Variants in JARID2 observed in about 807,000 individuals in gnomAD.
JARID2 encodes the protein protein Jumonji.
A neutral mutation model predicts 125.6 loss-of-function variants in JARID2; 21 were observed. The ratio of observed to expected loss-of-function variants is 0.17; its 90% confidence interval spans 0.12 to 0.24. The LOEUF (loss-of-function observed/expected upper bound fraction) is 0.24, where lower values mean the gene tolerates loss of function less well. Among genes scored for constraint, JARID2 ranks in the 10% least tolerant of loss-of-function variants. The pLI, the probability that JARID2 is intolerant of heterozygous loss-of-function variation, is 1.00. For missense variants in JARID2, 1,303 were observed against 1,639.6 expected, an observed-to-expected ratio of 0.79 and a Z score of 3.55; for synonymous variants, 736 against 661.6, an observed-to-expected ratio of 1.11 and a Z score of -1.73.
chr6:15,339,841 G>A (rs982439448), intron 1 of JARID2, among the ~76,000 whole-genome samples: 12 of 152,056 alleles, frequency 7.9e-5, no homozygotes, highest in Admixed American at 2.6e-4. Flanking sequence ...GGCCCAGTTA[G>A]CTCTCTTCTA....
At chr6:15,272,909 G>A (rs1760351948) in intron 1 of JARID2, among the ~76,000 whole-genome samples, 1 of 152,054 alleles carries the variant, frequency 6.6e-6, no homozygotes, top group Non-Finnish European at 1.5e-5. Context: ...TCTTCTCCCT[G>A]CTCCCATTGG....
rs532326927 is a variant in JARID2 at position 15,378,825 on chromosome 6, A to C, written c.181+4573A>C. ...GGGAAAAATCATTTGTTTTTACCAT[A>C]ATATTTAAAAATAACAGCAGAATGG... On this transcript the variant is annotated intron_variant, in intron 2 of 17. Coordinates refer to ENST00000341776, the MANE Select transcript of JARID2 (RefSeq NM_004973.4). Among the ~76,000 whole-genome samples the C allele has an allele frequency of 3.4e-4, 52 of 152,322 alleles. 1 individual carries two copies. The South Asian group carries it at 9.5e-3, about 28-fold the overall frequency.
intron 3 of JARID2, among the ~76,000 whole-genome samples, chr6:15,435,515 C>G (rs1245072010): frequency 6.6e-6 from 1 of 152,154 alleles, no homozygotes; most frequent in African/African-American, 2.4e-5. Context: ...AAATCAAGTT[C>G]AGGTTTGTTT....
chr6:15,404,519 GCACACACACACACACACACA>G (rs3138770), intron 2 of JARID2, among the ~76,000 whole-genome samples: 17,015 of 138,306 alleles, frequency 0.12, 1,099 homozygotes, highest in African/African-American at 0.18. Context: ...ATCTTAAAGT[GCACACACACACACACACACA>G]CACACACACA....
rs56268949 is a variant in JARID2 at position 15,486,806 on chromosome 6, CTTTT to C, written c.671-486_671-483del. Among the ~76,000 whole-genome samples the C allele has an allele frequency of 5.1e-4, 51 of 100,520 alleles. 2 individuals carry two copies. Among genetic ancestry groups the C allele is most frequent in the African/African-American group, 2.1e-3 (44 of 20,918 alleles). The allele number at this position is 100,520 out of a possible 152,430, so 65.9% of individuals were successfully genotyped here. A position where few individuals can be genotyped will look rare whatever the true frequency, so the allele number is the denominator to read the frequency against. ...CATCTCTTTTAAATCTGAGAATAGA[CTTTT>C]TTTTTTTTTTTTTTGAGACAGAGTC... On this transcript the variant is annotated intron_variant, in intron 5 of 17. Transcript: ENST00000341776.
chr6:15,247,998 T>A, intron 1 of JARID2: 1 of 985,374 alleles, frequency 1.0e-6, no homozygotes, highest in Non-Finnish European at 1.2e-6. Flanking sequence ...GGGGTAGAAC[T>A]TGGACGAGAA....
intron 5 of JARID2, among the ~76,000 whole-genome samples, chr6:15,469,350 T>TCCTCCCCTC (rs1768935206): frequency 3.1e-5 from 1 of 31,798 alleles, no homozygotes; most frequent in Admixed American, 3.6e-4. Context: ...TCTCTCTCTC[T>TCCTCCCCTC]CTCTCTCTCT....
rs760823393 is a variant in JARID2, at chr6:15,468,591, T to TGAGGAGGAAGTC, written c.554_565dup (p.Val185_Glu188dup). 1.2e-6 allele frequency: 2 copies of TGAGGAGGAAGTC among 1,613,980 alleles called. No homozygotes were observed. Among genetic ancestry groups the TGAGGAGGAAGTC allele is most frequent in the Non-Finnish European group, 8.5e-7 (1 of 1,179,974 alleles). ...TGGTGTATTTTGGAAGCTCTCAGGA[T>TGAGGAGGAAGTC]GAGGAGGAAGTCGAGGAGGAAGATG... is the stretch of plus-strand genomic sequence containing the variant. On this transcript the variant is annotated inframe_insertion, in exon 5 of 18. Transcript: ENST00000341776.
At chr6:15,330,687 A>G in intron 1 of JARID2, among the ~76,000 whole-genome samples, 1 of 152,236 alleles carries the variant, frequency 6.6e-6, no homozygotes, top group East Asian at 1.9e-4. Context: ...CAGAATGAGT[A>G]ATGGAAATAG....
At chr6:15,513,108 C>G (rs868590836) in intron 15 of JARID2, 63 bp downstream of exon 15, 2 of 1,606,964 alleles carry the variant, frequency 1.2e-6, no homozygotes, top group East Asian at 2.2e-5. Flanking sequence ...GGGCTCACCC[C>G]CCGAGCAGGC....
chr6:15,299,616 A>G (rs1444832115), intron 1 of JARID2, among the ~76,000 whole-genome samples: 1 of 152,116 alleles, frequency 6.6e-6, no homozygotes, highest in Non-Finnish European at 1.5e-5. Flanking sequence ...TTAGGGGGAA[A>G]TAAGAAGACT....
chr6:15,341,284 GTTC>G (rs1368558936), intron 1 of JARID2, among the ~76,000 whole-genome samples: 1 of 152,030 alleles, frequency 6.6e-6, no homozygotes. Flanking sequence ...CCTCCCATAT[GTTC>G]TTTTTTACTC....
chr6:15,444,878 ATGT>A (rs1767607449), intron 3 of JARID2, among the ~76,000 whole-genome samples: 2 of 150,280 alleles, frequency 1.3e-5, no homozygotes, highest in Admixed American at 1.3e-4. Context: ...TAATAAAATG[ATGT>A]TTTGGCATGT....
At chr6:15,501,707 C>T (rs944824072) in intron 8 of JARID2, among the ~76,000 whole-genome samples, 1 of 152,120 alleles carries the variant, frequency 6.6e-6, no homozygotes, top group African/African-American at 2.4e-5. Context: ...CAGCAGGAGA[C>T]CCAGTGAGGG....
At position 15,468,861 on chromosome 6, in the gene JARID2, G is replaced by A. The variant is rs1017210208; in HGVS notation, c.670+143G>A. 4.1e-6 allele frequency: 3 copies of A among 738,750 alleles called. No homozygotes were observed. The Admixed American group carries it at 8.8e-5, about 22-fold the overall frequency. The allele number at this position is 738,750 out of a possible 1,614,324, so 45.8% of individuals were successfully genotyped here. A position where few individuals can be genotyped will look rare whatever the true frequency, so the allele number is the denominator to read the frequency against. ...AGGGCCAGACACTTCATGGGCAAAGGGATTATTAGTGTAGCTTAGTGTAGT... is the reference window on the plus strand; with the variant it reads ...AGGGCCAGACACTTCATGGGCAAAGAGATTATTAGTGTAGCTTAGTGTAGT... On this transcript the variant is annotated intron_variant, in intron 5 of 17. Coordinates refer to ENST00000341776, the MANE Select transcript of JARID2 (RefSeq NM_004973.4).
At chr6:15,470,837 G>C (rs1187017600) in intron 5 of JARID2, among the ~76,000 whole-genome samples, 1 of 152,230 alleles carries the variant, frequency 6.6e-6, no homozygotes. Context: ...AATAATGCCT[G>C]TTTTTGGGAC....
At chr6:15,493,652 TC>T (rs35441174) in intron 6 of JARID2, among the ~76,000 whole-genome samples, 1 of 150,924 alleles carries the variant, frequency 6.6e-6, no homozygotes, top group Non-Finnish European at 1.5e-5. Flanking sequence ...TGAGGCCCAT[TC>T]CCCCACCCCC....
chr6:15,333,647 G>T (rs1342764185), intron 1 of JARID2, among the ~76,000 whole-genome samples: 1 of 152,064 alleles, frequency 6.6e-6, no homozygotes, highest in Admixed American at 6.5e-5. Flanking sequence ...TTGCAGTGTT[G>T]TGCAACCATC....
intron 5 of JARID2, among the ~76,000 whole-genome samples, chr6:15,484,511 T>C (rs987409628): frequency 6.6e-6 from 1 of 150,782 alleles, no homozygotes; most frequent in Non-Finnish European, 1.5e-5. Context: ...TGCAGTAACC[T>C]GAGATGGCCC....
Sources: allele counts gnomAD v4.1 joint callset (sites outside exome capture counted in the v4.1 genomes callset), GRCh38; gene constraint gnomAD v4.1.1; transcripts MANE v1.5; gene names NCBI Gene and HGNC (gene_info 2026-07-23, HGNC 2026-07-21).